The following ABCA12 variants were observed in gnomAD, a reference collection of about 807,000 sequenced individuals.
ABCA12 encodes the protein glucosylceramide transporter ABCA12.
A neutral mutation model predicts 293.5 loss-of-function variants in ABCA12; 156 were observed. The ratio of observed to expected loss-of-function variants is 0.53; its 90% CI spans 0.47 to 0.61. The LOEUF is 0.61. ABCA12 is among the 20% of genes least tolerant of loss of function. The pLI, the probability that ABCA12 is intolerant of heterozygous loss-of-function variation, is 0.00. For missense variants in ABCA12, 2,797 were observed against 3,090.2 expected (o/e 0.91, Z 2.25); for synonymous variants, 1,063 against 1,108.0 (o/e 0.96, Z 0.81).
intron 9 of ABCA12, among the ~76,000 whole-genome samples, chr2:215,030,603 C>CAA (rs56919467): frequency 6.2e-4 from 79 of 127,336 alleles, no homozygotes; most frequent in African/African-American, 2.3e-3. Flanking sequence ...GACTCCATCT[C>CAA]AAAAAAAAAA....
At chr2:214,999,949 C>T (rs1053622538) in intron 22 of ABCA12, 11 of 358,076 alleles carry the variant, frequency 3.1e-5, no homozygotes, top group African/African-American at 1.8e-4. Flanking sequence ...AACTGGGTTG[C>T]GTAGCATGTT....
At chr2:215,092,823 T>C (rs1046065864) in intron 2 of ABCA12, among the ~76,000 whole-genome samples, 1 of 152,174 alleles carries the variant, frequency 6.6e-6, no homozygotes. Context: ...CATTATTCTG[T>C]TATGGATCTC....
At chr2:215,019,228 T>G in intron 13 of ABCA12, 108 bp downstream of exon 13, 3 of 948,178 alleles carry the variant, frequency 3.2e-6, no homozygotes, top group Non-Finnish European at 5.0e-6. Flanking sequence ...TAAGGGCAGA[T>G]AGCAAAGCGA....
intron 3 of ABCA12, among the ~76,000 whole-genome samples, chr2:215,062,500 C>T (rs79166239): frequency 6.6e-6 from 1 of 152,138 alleles, no homozygotes; most frequent in African/African-American, 2.4e-5. Flanking sequence ...ACACTAAACA[C>T]ACAATGCGAA....
chr2:215,070,723 T>C (rs1026511284), intron 2 of ABCA12, among the ~76,000 whole-genome samples: 31 of 152,008 alleles, frequency 2.0e-4, no homozygotes, highest in African/African-American at 5.8e-4. Context: ...TCTGGGTTAT[T>C]ATGGAAAGAC....
intron 11 of ABCA12, 87 bp downstream of exon 11, chr2:215,025,586 T>A: frequency 1.2e-6 from 1 of 836,350 alleles, no homozygotes; most frequent in Non-Finnish European, 1.9e-6. Context: ...CCAAATATTA[T>A]GAGAAGTGTT....
intron 1 of ABCA12, among the ~76,000 whole-genome samples, chr2:215,135,983 A>G (rs917360047): frequency 6.6e-6 from 1 of 151,978 alleles, no homozygotes; most frequent in Non-Finnish European, 1.5e-5. Context: ...TTGCATCACC[A>G]TCTTCTACAG....
chr2:215,099,629 G>A (rs1325860623), intron 2 of ABCA12, among the ~76,000 whole-genome samples: 2 of 151,418 alleles, frequency 1.3e-5, no homozygotes, highest in African/African-American at 4.9e-5. Flanking sequence ...GGAGGTGGAG[G>A]TTGTAGTGAG....
Position 215,004,189 on chromosome 2 carries a change from C to G in ABCA12, c.2683+20G>C. 1 of 1,595,658 alleles carries G rather than the reference C, an allele frequency of 6.3e-7. No individual in the cohort carries two copies. Among genetic ancestry groups the G allele is most frequent in the Non-Finnish European group, 8.6e-7 (1 of 1,163,882 alleles). Reference sequence around the variant, plus strand: ...GTCCGACATGACTCATGAATAAAAGCTTTGTGAATTTGGACTCACCGAGTT... The same window carrying G: ...GTCCGACATGACTCATGAATAAAAGGTTTGTGAATTTGGACTCACCGAGTT... On this transcript the variant is annotated intron_variant, in intron 20 of 52. Transcript: ENST00000272895.
At chr2:215,126,566 A>T (rs10206149) in intron 1 of ABCA12, among the ~76,000 whole-genome samples, 26,408 of 151,932 alleles carry the variant, frequency 0.17, 2,725 homozygotes, top group African/African-American at 0.26. Flanking sequence ...CATCTCTTCT[A>T]GGTTTTCTAG....
In ABCA12 at chr2:215,054,524, T is replaced by C. The variant is rs767727147; in HGVS notation, c.409+49A>G. ...ATAAACCTTTCAAAGATTAGACCTT[T>C]ACTGTTCCATAAGGCTTGTTCTGAA... On this transcript the variant is annotated intron_variant, in intron 4 of 52. Transcript: ENST00000272895. 2.1e-6 allele frequency: 3 copies of C among 1,439,706 alleles called. No individual in the cohort carries two copies. In the South Asian group the frequency reaches 3.4e-5, roughly 16 times the overall value. The allele number at this position is 1,439,706 out of a possible 1,614,324, so 89.2% of individuals were successfully genotyped here.
At chr2:214,953,702 T>C in intron 44 of ABCA12, 152 bp downstream of exon 44, 3 of 941,670 alleles carry the variant, frequency 3.2e-6, no homozygotes, top group Non-Finnish European at 4.6e-6. Context: ...TAGAATAAAA[T>C]AAATAGTGAA....
intron 2 of ABCA12, among the ~76,000 whole-genome samples, chr2:215,099,351 A>C (rs1451521162): frequency 6.6e-6 from 1 of 152,228 alleles, no homozygotes. Flanking sequence ...TCCTGACTGC[A>C]AACTCATGAG....
At chr2:215,050,962 C>T (rs1353476901) in intron 5 of ABCA12, 13 of 306,096 alleles carry the variant, frequency 4.2e-5, no homozygotes, top group Admixed American at 1.9e-4. Flanking sequence ...ATAGAAATTT[C>T]ATTTTTGGCT....
chr2:214,958,315 C>T lies in ABCA12; in HGVS notation c.6079G>A (p.Val2027Met), dbSNP rs781497255. 155 of 1,614,036 alleles carry T rather than the reference C, an allele frequency of 9.6e-5. 1 individual carries two copies. In the South Asian group the frequency reaches 1.6e-3, roughly 16 times the overall value. Reference sequence around the variant, plus strand: ...AAGTTTGTTACCCAGTAGCATGTCACGCCAATGCCTGAAATGTGCTGCAAC... The same window carrying T: ...AAGTTTGTTACCCAGTAGCATGTCATGCCAATGCCTGAAATGTGCTGCAAC... ...KQLQHISGIG[V>M]TCYWVTNFIY... The change falls in exon 41 of 53, where the codon GTG (valine) becomes ATG (methionine). Residue 2027 changes from valine to methionine, a missense_variant. Physicochemically the swap from Val to Met is conservative, Grantham distance 21. This residue lies in a region of ABCA12 where 2,130 missense variants were observed against 2,427.0 expected (regional missense o/e 0.88). Transcript: ENST00000272895.
intron 2 of ABCA12, among the ~76,000 whole-genome samples, chr2:215,083,845 C>T (rs1452270313): frequency 6.6e-6 from 1 of 152,090 alleles, no homozygotes; most frequent in African/African-American, 2.4e-5. Context: ...CATATTTTCC[C>T]CTTAAGCTAC....
chr2:214,976,068 C>A, intron 33 of ABCA12, 31 bp from the exon 34 acceptor site: 2 of 1,613,258 alleles, frequency 1.2e-6, no homozygotes, highest in South Asian at 2.2e-5. Flanking sequence ...GGATATGGTT[C>A]TGGGAAATCT....
chr2:214,936,929 C>G (rs956461865), intron 51 of ABCA12, among the ~76,000 whole-genome samples: 2 of 131,874 alleles, frequency 1.5e-5, no homozygotes, highest in Non-Finnish European at 3.3e-5. Context: ...ATCATAAATC[C>G]TTTGTGAGGA....
intron 10 of ABCA12, among the ~76,000 whole-genome samples, chr2:215,026,492 T>C (rs888571741): frequency 6.6e-6 from 1 of 152,190 alleles, no homozygotes; most frequent in Admixed American, 6.5e-5. Flanking sequence ...AGCATAGAAA[T>C]GTCATGAAGG....
Sources: gnomAD v4.1 joint callset for allele counts (sites outside exome capture counted in the v4.1 genomes callset) on GRCh38, gnomAD v4.1.1 for gene constraint, gnomAD v4.1.1 regional missense constraint, MANE v1.5 for transcripts, NCBI Gene and HGNC (gene_info 2026-07-23, HGNC 2026-07-21) for gene names.